The following TTC27 variants were observed in gnomAD, a reference collection of about 807,000 sequenced individuals.
TTC27 encodes tetratricopeptide repeat domain 27.
Under a neutral mutation model 115.9 loss-of-function variants are expected in TTC27, and 79 were observed. That is an observed-to-expected ratio of 0.68 (90% CI 0.57 to 0.82). The LOEUF (loss-of-function observed/expected upper bound fraction) is 0.82, where lower values mean the gene tolerates loss of function less well. Among genes scored for constraint, TTC27 ranks in the 40% least tolerant of loss-of-function variants. The probability of loss-of-function intolerance (pLI) is 0.00; values close to 1 mark genes in which losing one functional copy is unlikely to be tolerated. For missense variants in TTC27, 1,054 were observed against 993.1 expected (o/e 1.06, Z -0.82); for synonymous variants, 401 against 356.0 (o/e 1.13, Z -1.42).
At chr2:32,736,130 G>C (rs765550192) in intron 11 of TTC27, among the ~76,000 whole-genome samples, 31 of 152,144 alleles carry the variant, frequency 2.0e-4, no homozygotes, top group Non-Finnish European at 3.8e-4. Flanking sequence ...TTTTAAATAT[G>C]TTTAACTTTC....
intron 3 of TTC27, among the ~76,000 whole-genome samples, chr2:32,638,422 C>G (rs1462043474): frequency 1.3e-5 from 2 of 151,980 alleles, no homozygotes; most frequent in Non-Finnish European, 2.9e-5. Context: ...TCTGTCGCCC[C>G]GGCTGGAGTG....
Position 32,634,022 on chromosome 2 carries a change from T to C in TTC27, c.396+17T>C. ...TTCAGTGAGGTATGCTTCTTGAAAA[T>C]GTTGTATGTAATTATTATTATGTTA... is the stretch of plus-strand genomic sequence containing the variant. On this transcript the variant is annotated intron_variant, in intron 3 of 19. Coordinates refer to ENST00000317907, the MANE Select transcript of TTC27 (RefSeq NM_017735.5). 1 of 1,604,934 alleles carries C rather than the reference T, an allele frequency of 6.2e-7. No homozygotes were observed. Among genetic ancestry groups the C allele is most frequent in the Non-Finnish European group, 8.5e-7 (1 of 1,176,896 alleles).
intron 9 of TTC27, among the ~76,000 whole-genome samples, chr2:32,694,536 T>A (rs1472599791): frequency 6.6e-6 from 1 of 152,082 alleles, no homozygotes; most frequent in Non-Finnish European, 1.5e-5. Context: ...AAGATCCATC[T>A]CTATTAAAAA....
At chr2:32,757,563 T>C (rs1298527991) in intron 12 of TTC27, among the ~76,000 whole-genome samples, 1 of 152,232 alleles carries the variant, frequency 6.6e-6, no homozygotes, top group Non-Finnish European at 1.5e-5. Context: ...GTCAGCACCA[T>C]TTTTCCAACC....
In TTC27 at chr2:32,661,899, T is replaced by C. The variant is rs1238311841; in HGVS notation, c.641-2404T>C. Reference sequence around the variant, plus strand: ...TGCCCATTCAGTATGATATTGGCTGTGGGTTTGTCATAAATATCTCTTACT... The same window carrying C: ...TGCCCATTCAGTATGATATTGGCTGCGGGTTTGTCATAAATATCTCTTACT... On this transcript the variant is annotated intron_variant, in intron 5 of 19. Coordinates refer to ENST00000317907, the MANE Select transcript of TTC27 (RefSeq NM_017735.5). 3.9e-5 allele frequency among the ~76,000 whole-genome samples: 6 copies of C among 152,280 alleles called. No homozygotes were observed. The East Asian group carries it at 1.2e-3, about 29-fold the overall frequency.
intron 13 of TTC27, among the ~76,000 whole-genome samples, chr2:32,762,221 G>A (rs1669459028): frequency 6.6e-6 from 1 of 152,134 alleles, no homozygotes; most frequent in African/African-American, 2.4e-5. Flanking sequence ...GTGCAGTGGT[G>A]GGGGCATTCT....
At chr2:32,680,949 AC>A (rs1387193073) in intron 9 of TTC27, among the ~76,000 whole-genome samples, 1 of 152,048 alleles carries the variant, frequency 6.6e-6, no homozygotes, top group Non-Finnish European at 1.5e-5. Context: ...ACTGTGAGGT[AC>A]CTGTGAAGTA....
chr2:32,678,904 G>C lies in TTC27; in HGVS notation c.1101G>C (p.Glu367Asp), dbSNP rs1472372914. 3.1e-6 allele frequency: 5 copies of C among 1,613,024 alleles called. No individual in the cohort carries two copies. In the African/African-American group the frequency reaches 6.7e-5, roughly 22 times the overall value. The change falls in exon 9 of 20, where the codon GAG (glutamate) becomes GAC (aspartate). Residue 367 changes from glutamate (E) to aspartate (D), a missense_variant. Physicochemically the swap from Glu to Asp is conservative, Grantham distance 45 (BLOSUM62 2). Coordinates refer to ENST00000317907, the MANE Select transcript of TTC27 (RefSeq NM_017735.5). ...CAGTGCACACATTAACTGAAGTGGA[G>C]CTTCTGGCATTTACATCAGTGAGTA... ...NNPVHTLTEVELLAFTSCLLS... is the reference protein window; with the variant it reads ...NNPVHTLTEVDLLAFTSCLLS...
intron 5 of TTC27, among the ~76,000 whole-genome samples, chr2:32,650,801 T>C (rs1042048748): frequency 3.3e-5 from 5 of 152,206 alleles, no homozygotes; most frequent in African/African-American, 1.2e-4. Context: ...ACATATAATA[T>C]ACATGCAGAA....
chr2:32,714,490 G>C (rs1009215990), intron 10 of TTC27, among the ~76,000 whole-genome samples: 1 of 152,114 alleles, frequency 6.6e-6, no homozygotes, highest in Non-Finnish European at 1.5e-5. Context: ...TTAGTCTACT[G>C]TTGATGGGAA....
intron 5 of TTC27, among the ~76,000 whole-genome samples, chr2:32,661,196 G>A (rs1317033246): frequency 6.6e-6 from 1 of 152,178 alleles, no homozygotes; most frequent in East Asian, 1.9e-4. Context: ...TTGAAGTCAG[G>A]TAGTGTGATG....
chr2:32,646,253 C>T (rs1363177675), intron 4 of TTC27, among the ~76,000 whole-genome samples: 1 of 150,716 alleles, frequency 6.6e-6, no homozygotes, highest in Non-Finnish European at 1.5e-5. Context: ...TGGTCTCGAT[C>T]TCCTGACCTC....
At chr2:32,713,006 G>T (rs1398444135) in intron 10 of TTC27, among the ~76,000 whole-genome samples, 1 of 151,998 alleles carries the variant, frequency 6.6e-6, no homozygotes, top group Non-Finnish European at 1.5e-5. Context: ...GTCATTAATG[G>T]ATTAATGCCA....
At chr2:32,636,371 G>A (rs1295506209) in intron 3 of TTC27, among the ~76,000 whole-genome samples, 3 of 151,958 alleles carry the variant, frequency 2.0e-5, no homozygotes, top group African/African-American at 2.4e-5. Flanking sequence ...TCACCACCAC[G>A]CCCGGCTAAT....
At chr2:32,806,562 C>T (rs533844940) in intron 16 of TTC27, among the ~76,000 whole-genome samples, 32 of 152,116 alleles carry the variant, frequency 2.1e-4, no homozygotes, top group African/African-American at 7.2e-4. Context: ...GGGCAGATCA[C>T]GAGGTCAGGA....
intron 8 of TTC27, among the ~76,000 whole-genome samples, chr2:32,675,737 T>G (rs983610430): frequency 6.6e-6 from 1 of 152,144 alleles, no homozygotes; most frequent in African/African-American, 2.4e-5. Context: ...ACTTAGACAT[T>G]GTGTTAGGCT....
At chr2:32,698,854 A>G (rs1667088855) in intron 9 of TTC27, among the ~76,000 whole-genome samples, 1 of 152,196 alleles carries the variant, frequency 6.6e-6, no homozygotes, top group South Asian at 2.1e-4. Context: ...AAAAGCCTAT[A>G]TAAACCCCAG....
intron 16 of TTC27, among the ~76,000 whole-genome samples, chr2:32,797,160 TGAAAC>T (rs1670730074): frequency 8.1e-6 from 1 of 123,350 alleles, no homozygotes; most frequent in African/African-American, 3.4e-5. Context: ...GGAGACAGAG[TGAAAC>T]TCTGTCTCAA....
chr2:32,629,629 C>T (rs1381670813), intron 1 of TTC27, among the ~76,000 whole-genome samples: 2 of 150,272 alleles, frequency 1.3e-5, no homozygotes, highest in Admixed American at 6.7e-5. Flanking sequence ...TTAGTAGAGA[C>T]GGGGTTTCAC....
Sources: allele counts gnomAD v4.1 joint callset (sites outside exome capture counted in the v4.1 genomes callset), GRCh38; gene constraint gnomAD v4.1.1; transcripts MANE v1.5; gene names NCBI Gene and HGNC (gene_info 2026-07-23, HGNC 2026-07-21).